ZNF277: variants seen among roughly 807,000 people sequenced by gnomAD.
The protein encoded by ZNF277 is zinc finger protein 277, also known as nuclear receptor-interacting factor 4.
A neutral mutation model predicts 60.7 loss-of-function variants in ZNF277; 55 were observed. The observed-to-expected ratio is 0.91, with a 90% CI of 0.73 to 1.13. The LOEUF (loss-of-function observed/expected upper bound fraction) is 1.13, where lower values mean the gene tolerates loss of function less well. Among genes scored for constraint, ZNF277 ranks in the 50% most tolerant of loss-of-function variants. The pLI, the probability that ZNF277 is intolerant of heterozygous loss-of-function variation, is 0.00. For missense variants in ZNF277, 510 were observed against 523.0 expected, an observed-to-expected ratio of 0.98 and a Z score of 0.24; for synonymous variants, 178 against 179.3, an observed-to-expected ratio of 0.99 and a Z score of 0.06.
At chr7:112,228,454 CTTTTTTTTTTTTTTT>C (rs71150013) in intron 1 of ZNF277, among the ~76,000 whole-genome samples, 2 of 36,378 alleles carry the variant, frequency 5.5e-5, no homozygotes, top group African/African-American at 1.0e-4. Context: ...GAGGAGAGGC[CTTTTTTTTTTTTTTT>C]TTTTTTTTTT....
At chr7:112,228,692 A>T (rs1450918045) in intron 1 of ZNF277, among the ~76,000 whole-genome samples, 1 of 152,002 alleles carries the variant, frequency 6.6e-6, no homozygotes, top group East Asian at 1.9e-4. Flanking sequence ...AGGTAGTCAG[A>T]TTGTACATAG....
intron 1 of ZNF277, among the ~76,000 whole-genome samples, chr7:112,218,927 T>C (rs1821955879): frequency 6.6e-6 from 1 of 152,238 alleles, no homozygotes; most frequent in Non-Finnish European, 1.5e-5. Flanking sequence ...GCAATGAACA[T>C]AGGAGTGCAG....
At chr7:112,267,454 C>T (rs189952662) in intron 1 of ZNF277, among the ~76,000 whole-genome samples, 1 of 152,212 alleles carries the variant, frequency 6.6e-6, no homozygotes, top group Admixed American at 6.5e-5. Flanking sequence ...AAAATTATCA[C>T]GTTCTATTTG....
intron 1 of ZNF277, among the ~76,000 whole-genome samples, chr7:112,221,946 T>C (rs1434640007): frequency 1.3e-5 from 2 of 152,252 alleles, no homozygotes; most frequent in Admixed American, 6.5e-5. Flanking sequence ...TCCACATCTA[T>C]GGAGTCATAT....
chr7:112,320,300 T>C (rs531715887), intron 5 of ZNF277, among the ~76,000 whole-genome samples: 13 of 152,228 alleles, frequency 8.5e-5, no homozygotes, highest in African/African-American at 2.6e-4. Flanking sequence ...ACTTATGCCA[T>C]TGTTCTGTAG....
chr7:112,274,982 C>G (rs146704445), intron 1 of ZNF277, among the ~76,000 whole-genome samples: 202 of 152,240 alleles, frequency 1.3e-3, no homozygotes, highest in African/African-American at 4.6e-3. Flanking sequence ...TGCCAAAAAG[C>G]CTTTTGTTTG....
chr7:112,220,994 G>A (rs1168993122), intron 1 of ZNF277, among the ~76,000 whole-genome samples: 1 of 152,086 alleles, frequency 6.6e-6, no homozygotes, highest in East Asian at 1.9e-4. Flanking sequence ...GTCCGTGTTT[G>A]TTACCGCTCG....
At chr7:112,286,021 A>T (rs535145081) in intron 1 of ZNF277, among the ~76,000 whole-genome samples, 1 of 152,296 alleles carries the variant, frequency 6.6e-6, no homozygotes, top group South Asian at 2.1e-4. Flanking sequence ...AATAGCCTGT[A>T]TAAGGTGACA....
chr7:112,239,837 G>A (rs1790900414), intron 1 of ZNF277, among the ~76,000 whole-genome samples: 1 of 151,978 alleles, frequency 6.6e-6, no homozygotes, highest in Admixed American at 6.6e-5. Context: ...TTGAGTAGAG[G>A]GACTAAAAGA....
chr7:112,257,049 T>A (rs1307896045), intron 1 of ZNF277, among the ~76,000 whole-genome samples: 4 of 152,196 alleles, frequency 2.6e-5, no homozygotes, highest in African/African-American at 9.6e-5. Flanking sequence ...TTACCAGAGT[T>A]CTGAAGATTA....
chr7:112,239,480 C>T (rs890393157), intron 1 of ZNF277, among the ~76,000 whole-genome samples: 1 of 152,166 alleles, frequency 6.6e-6, no homozygotes, highest in Admixed American at 6.5e-5. Context: ...TGGTGGTGAC[C>T]ACAGGAGTGT....
In ZNF277 at chr7:112,211,342, T is replaced by A. The variant is rs191392435; in HGVS notation, c.91+4535T>A. On this transcript the variant is annotated intron_variant, in intron 1 of 11. Transcript: ENST00000361822. ...GCCTTATTTTTCTGCGCCTGTAGTA[T>A]ATTTTGAACCTGTTCCCTCTATTCA... Among the ~76,000 whole-genome samples, 517 of 152,358 alleles carry A rather than the reference T, an allele frequency of 3.4e-3. 2 individuals are homozygous for A. The highest frequency in any genetic ancestry group is 5.9e-3 in the Non-Finnish European group (400 of 68,038).
chr7:112,296,211 T>C lies in ZNF277; in HGVS notation c.383-18T>C. On this transcript the variant is annotated intron_variant, in intron 3 of 11. Transcript: ENST00000361822. ...GTTAATATCTGTTTTCTTATTTGTTTTCCTAATCTCTCAACAGAAGAACAA... is the reference window on the plus strand; with the variant it reads ...GTTAATATCTGTTTTCTTATTTGTTCTCCTAATCTCTCAACAGAAGAACAA... 6.7e-7 allele frequency: 1 copy of C among 1,502,404 alleles called. No individual in the cohort carries two copies. Among genetic ancestry groups the C allele is most frequent in the Non-Finnish European group, 9.1e-7 (1 of 1,095,436 alleles). The allele number at this position is 1,502,404 out of a possible 1,614,324, so 93.1% of individuals were successfully genotyped here.
intron 1 of ZNF277, among the ~76,000 whole-genome samples, chr7:112,220,234 T>C (rs1821989217): frequency 6.6e-6 from 1 of 152,206 alleles, no homozygotes; most frequent in Non-Finnish European, 1.5e-5. Flanking sequence ...TCATCAGTAT[T>C]TTATAGTTTT....
chr7:112,225,536 A>G (rs962828439), intron 1 of ZNF277, among the ~76,000 whole-genome samples: 1 of 152,138 alleles, frequency 6.6e-6, no homozygotes, highest in African/African-American at 2.4e-5. Flanking sequence ...TAATTTTCTC[A>G]TTTATATTTT....
chr7:112,222,163 T>G (rs1182879142), intron 1 of ZNF277, among the ~76,000 whole-genome samples: 2 of 152,228 alleles, frequency 1.3e-5, no homozygotes, highest in Admixed American at 1.3e-4. Flanking sequence ...TGAAGTGTCC[T>G]TCTCTGGCTT....
intron 1 of ZNF277, among the ~76,000 whole-genome samples, chr7:112,240,409 A>G (rs1446577525): frequency 6.6e-6 from 1 of 152,178 alleles, no homozygotes; most frequent in Non-Finnish European, 1.5e-5. Context: ...TAAAATAACT[A>G]AAAGATATAA....
intron 4 of ZNF277, among the ~76,000 whole-genome samples, chr7:112,303,940 C>T (rs527897106): frequency 1.4e-4 from 22 of 152,094 alleles, no homozygotes; most frequent in African/African-American, 2.9e-4. Context: ...GTTTCAGAAA[C>T]GGTGGGAGGT....
chr7:112,334,566 A>G (rs940733270), intron 7 of ZNF277, among the ~76,000 whole-genome samples: 1 of 152,260 alleles, frequency 6.6e-6, no homozygotes, highest in Non-Finnish European at 1.5e-5. Context: ...AAGTGGGGTA[A>G]GTGGTTAATG....
Sources: allele counts gnomAD v4.1 joint callset (sites outside exome capture counted in the v4.1 genomes callset), GRCh38; gene constraint gnomAD v4.1.1; transcripts MANE v1.5; gene names NCBI Gene and HGNC (gene_info 2026-07-23, HGNC 2026-07-21).